EXOC6B: variants seen among roughly 807,000 people sequenced by gnomAD.
The protein encoded by EXOC6B is SEC15 homolog B.
Under a neutral mutation model 113.5 loss-of-function variants are expected in EXOC6B, and 54 were observed. The observed-to-expected ratio is 0.48, with a 90% CI of 0.38 to 0.60. The LOEUF (loss-of-function observed/expected upper bound fraction) is 0.60, where lower values mean the gene tolerates loss of function less well. EXOC6B is among the 20% of genes least tolerant of loss of function. The pLI, the probability that EXOC6B is intolerant of heterozygous loss-of-function variation, is 0.00. For missense variants in EXOC6B, 797 were observed against 977.5 expected (o/e 0.82, Z 2.46); for synonymous variants, 357 against 339.0 (o/e 1.05, Z -0.58).
intron 1 of EXOC6B, among the ~76,000 whole-genome samples, chr2:72,799,911 A>G (rs1217954874): frequency 6.6e-6 from 1 of 152,046 alleles, no homozygotes; most frequent in Non-Finnish European, 1.5e-5. Context: ...CAAAAAATAC[A>G]AAAATTAGCT....
In EXOC6B at chr2:72,428,365, T is replaced by A. The variant is rs150889761; in HGVS notation, c.1980+36795A>T. 5.3e-5 allele frequency among the ~76,000 whole-genome samples: 8 copies of A among 152,298 alleles called. No homozygotes were observed. In the East Asian group the frequency reaches 7.7e-4, roughly 15 times the overall value. Reference sequence around the variant, plus strand: ...CTTTGGGGCCCTGTGTTTCATGGCATCTACAAGCTTCTGGGTGCCACCACA... The same window carrying A: ...CTTTGGGGCCCTGTGTTTCATGGCAACTACAAGCTTCTGGGTGCCACCACA... On this transcript the variant is annotated intron_variant, in intron 18 of 21. Coordinates refer to ENST00000272427, the MANE Select transcript of EXOC6B (RefSeq NM_015189.3).
At chr2:72,649,507 A>T (rs1234192695) in intron 6 of EXOC6B, among the ~76,000 whole-genome samples, 2 of 152,128 alleles carry the variant, frequency 1.3e-5, no homozygotes, top group African/African-American at 4.8e-5. Context: ...CAAAAATTAA[A>T]TTTTTTAAAA....
At chr2:72,644,144 A>T (rs572767382) in intron 6 of EXOC6B, among the ~76,000 whole-genome samples, 1 of 152,352 alleles carries the variant, frequency 6.6e-6, no homozygotes, top group African/African-American at 2.4e-5. Flanking sequence ...GAACTACGTG[A>T]CACATCTACA....
chr2:72,805,436 G>A (rs1317373826), intron 1 of EXOC6B, among the ~76,000 whole-genome samples: 1 of 152,118 alleles, frequency 6.6e-6, no homozygotes, highest in Admixed American at 6.5e-5. Flanking sequence ...TATACTAAAA[G>A]AGGCTACTTT....
At chr2:72,797,059 G>A (rs1425068049) in intron 1 of EXOC6B, among the ~76,000 whole-genome samples, 1 of 152,152 alleles carries the variant, frequency 6.6e-6, no homozygotes, top group Admixed American at 6.5e-5. Flanking sequence ...TTGAGGAAGG[G>A]AACTTTAGAT....
intron 20 of EXOC6B, among the ~76,000 whole-genome samples, chr2:72,311,868 G>A (rs780530274): frequency 8.5e-5 from 13 of 152,166 alleles, no homozygotes; most frequent in South Asian, 4.1e-4. Context: ...AAGGAGCAGG[G>A]GGATAGGCTT....
chr2:72,341,745 C>G (rs1314774249), intron 19 of EXOC6B, among the ~76,000 whole-genome samples: 1 of 151,974 alleles, frequency 6.6e-6, no homozygotes, highest in Non-Finnish European at 1.5e-5. Context: ...ACCAAATGAG[C>G]CTACCAAATA....
intron 20 of EXOC6B, among the ~76,000 whole-genome samples, chr2:72,313,581 A>G (rs1026113024): frequency 1.3e-5 from 2 of 152,176 alleles, no homozygotes; most frequent in Non-Finnish European, 2.9e-5. Flanking sequence ...AGAAAATAGG[A>G]AAGAGAAAGT....
intron 18 of EXOC6B, among the ~76,000 whole-genome samples, chr2:72,447,310 T>C (rs1164518213): frequency 1.3e-5 from 2 of 152,180 alleles, no homozygotes; most frequent in Non-Finnish European, 2.9e-5. Context: ...AAACTTAACA[T>C]AGTGCCTCAC....
chr2:72,776,668 G>A (rs1683722037), intron 1 of EXOC6B, among the ~76,000 whole-genome samples: 1 of 151,696 alleles, frequency 6.6e-6, no homozygotes, highest in Non-Finnish European at 1.5e-5. Context: ...TGAATTAGGT[G>A]AAAAAATAGA....
At chr2:72,387,773 T>C (rs760095807) in intron 18 of EXOC6B, among the ~76,000 whole-genome samples, 36 of 151,724 alleles carry the variant, frequency 2.4e-4, no homozygotes, top group Non-Finnish European at 4.6e-4. Flanking sequence ...TTTTAAAAAA[T>C]AGTGTTTTAT....
intron 18 of EXOC6B, among the ~76,000 whole-genome samples, chr2:72,387,199 G>T (rs944018209): frequency 5.3e-5 from 8 of 152,158 alleles, no homozygotes; most frequent in African/African-American, 1.4e-4. Context: ...CTTAGGCACA[G>T]TGTATCTTTT....
chr2:72,580,951 T>C (rs969803224), intron 6 of EXOC6B, among the ~76,000 whole-genome samples: 2 of 152,206 alleles, frequency 1.3e-5, no homozygotes, highest in African/African-American at 4.8e-5. Flanking sequence ...GTACTGACTC[T>C]CCCACCTTCT....
intron 18 of EXOC6B, 99 bp from the exon 19 acceptor site, chr2:72,379,969 T>G (rs570603297): frequency 4.9e-6 from 6 of 1,215,832 alleles, no homozygotes; most frequent in Non-Finnish European, 6.7e-6. Flanking sequence ...CAATTAGGAA[T>G]TTCCCTAAGG....
At chr2:72,315,509 G>A (rs1183464205) in intron 20 of EXOC6B, among the ~76,000 whole-genome samples, 1 of 152,078 alleles carries the variant, frequency 6.6e-6, no homozygotes, top group Non-Finnish European at 1.5e-5. Context: ...TACTGATTAT[G>A]GCCTGTAGAG....
chr2:72,246,080 G>T (rs894566660), intron 20 of EXOC6B, among the ~76,000 whole-genome samples: 22 of 152,036 alleles, frequency 1.4e-4, no homozygotes, highest in African/African-American at 4.1e-4. Flanking sequence ...ATAGGGACAG[G>T]GTCTCACTAT....
chr2:72,470,783 CA>C (rs1402811300), intron 17 of EXOC6B, among the ~76,000 whole-genome samples: 1 of 141,512 alleles, frequency 7.1e-6, no homozygotes. Context: ...CATGTCCCTA[CA>C]AAGGACATGA....
At chr2:72,728,240 T>C (rs761111436) in intron 5 of EXOC6B, among the ~76,000 whole-genome samples, 5 of 152,146 alleles carry the variant, frequency 3.3e-5, no homozygotes, top group Non-Finnish European at 7.4e-5. Flanking sequence ...ACCAACAGAA[T>C]TGGCATCACC....
intron 6 of EXOC6B, among the ~76,000 whole-genome samples, chr2:72,588,698 T>C (rs535863314): frequency 1.8e-4 from 27 of 152,202 alleles, no homozygotes; most frequent in African/African-American, 5.5e-4. Flanking sequence ...ATTTTTTTAA[T>C]TATAATTGAT....
Sources: gnomAD v4.1 joint callset for allele counts (sites outside exome capture counted in the v4.1 genomes callset) on GRCh38, gnomAD v4.1.1 for gene constraint, MANE v1.5 for transcripts, NCBI Gene and HGNC (gene_info 2026-07-23, HGNC 2026-07-21) for gene names.